CDH13: variants seen among roughly 807,000 people sequenced by gnomAD.
CDH13 encodes cadherin 13.
CDH13 carries 24 observed loss-of-function variants against 63.8 expected under a neutral mutation model. The ratio of observed to expected loss-of-function variants is 0.38; its 90% CI spans 0.27 to 0.53. CDH13 has a LOEUF of 0.53. Among genes scored for constraint, CDH13 ranks in the 20% least tolerant of loss-of-function variants. The pLI, the probability that CDH13 is intolerant of heterozygous loss-of-function variation, is 0.85. For synonymous variants in CDH13, 503 were observed against 355.3 expected (o/e 1.42, Z -4.67); for missense variants, 1,049 against 903.1 (o/e 1.16, Z -2.07).
At chr16:83,617,545 CAT>C (rs1295896493) in intron 8 of CDH13, among the ~76,000 whole-genome samples, 31 of 151,162 alleles carry the variant, frequency 2.1e-4, no homozygotes, top group African/African-American at 7.5e-4. Flanking sequence ...ATTCTTTTCT[CAT>C]ATGAACATAT....
At chr16:82,680,776 A>G (rs370075893) in intron 1 of CDH13, among the ~76,000 whole-genome samples, 11 of 152,182 alleles carry the variant, frequency 7.2e-5, no homozygotes, top group Admixed American at 2.0e-4. Context: ...AGTTATTACT[A>G]CCTCTAGGCC....
intron 11 of CDH13, among the ~76,000 whole-genome samples, chr16:83,754,914 G>C (rs1471685893): frequency 6.6e-6 from 1 of 151,980 alleles, no homozygotes; most frequent in Admixed American, 6.6e-5. Context: ...ATGTCATCTG[G>C]AGCCTCTCCA....
intron 6 of CDH13, among the ~76,000 whole-genome samples, chr16:83,425,700 T>C (rs1156811165): frequency 2.0e-5 from 3 of 152,262 alleles, no homozygotes; most frequent in African/African-American, 7.2e-5. Context: ...TGACTCTTTC[T>C]TCAACTAATC....
chr16:83,685,298 G>A (rs1168255312), intron 10 of CDH13, among the ~76,000 whole-genome samples: 2 of 152,198 alleles, frequency 1.3e-5, no homozygotes, highest in East Asian at 1.9e-4. Flanking sequence ...GTGTAAGGTA[G>A]ATGGCACTTT....
chr16:83,043,079 C>G (rs191163805), intron 3 of CDH13, among the ~76,000 whole-genome samples: 85 of 152,150 alleles, frequency 5.6e-4, no homozygotes, highest in Non-Finnish European at 1.0e-3. Context: ...AAGAATTGGG[C>G]CTAGAATTCA....
rs186487284 is a variant in CDH13 at position 83,397,048 on chromosome 16, A to G, written c.781+52042A>G. ...GCTAAAAAGCCTGCAGCTGTGATCT[A>G]TGTCCTCGCTCTGGCCCTTTCTCCT... On this transcript the variant is annotated intron_variant, in intron 6 of 13. Transcript: ENST00000567109. Among the ~76,000 whole-genome samples the G allele has an allele frequency of 5.3e-5, 8 of 152,138 alleles. No homozygotes were observed. The East Asian group carries it at 1.4e-3, about 26-fold the overall frequency.
At chr16:83,672,336 T>G (rs185764820) in intron 9 of CDH13, among the ~76,000 whole-genome samples, 1 of 150,882 alleles carries the variant, frequency 6.6e-6, no homozygotes, top group East Asian at 2.0e-4. Flanking sequence ...AGGACCCACT[T>G]TTTGATAGAT....
chr16:82,751,709 A>C (rs2034423417), intron 1 of CDH13, among the ~76,000 whole-genome samples: 1 of 152,124 alleles, frequency 6.6e-6, no homozygotes. Context: ...CAGGTAAAAA[A>C]AAAAAAAAAA....
intron 4 of CDH13, among the ~76,000 whole-genome samples, chr16:83,189,171 C>G (rs1202960035): frequency 2.0e-5 from 3 of 152,134 alleles, no homozygotes; most frequent in Admixed American, 6.5e-5. Flanking sequence ...GGTGTGTGCT[C>G]TCATCCTAAT....
chr16:82,864,471 C>A lies in CDH13; in HGVS notation c.157+5998C>A, dbSNP rs546499468. Among the ~76,000 whole-genome samples the A allele has an allele frequency of 3.3e-5, 5 of 152,198 alleles. No individual in the cohort carries two copies. In the East Asian group the frequency reaches 9.7e-4, roughly 29 times the overall value. ...ATCATGGCAGAAGGTGAAGAGGAAG[C>A]AAGGCACCTTCTTCAGAAGGTGGCA... is the stretch of plus-strand genomic sequence containing the variant. On this transcript the variant is annotated intron_variant, in intron 2 of 13. Coordinates refer to ENST00000567109, the MANE Select transcript of CDH13 (RefSeq NM_001257.5).
intron 6 of CDH13, among the ~76,000 whole-genome samples, chr16:83,346,495 C>A (rs989127660): frequency 6.6e-6 from 1 of 152,094 alleles, no homozygotes; most frequent in African/African-American, 2.4e-5. Context: ...TACTCGGGCC[C>A]CATGAGTGAG....
rs115006211 is a variant in CDH13 at position 83,437,134 on chromosome 16, G to A, written c.782-49343G>A. 7.7e-3 allele frequency among the ~76,000 whole-genome samples: 1,175 copies of A among 152,050 alleles called. 17 individuals carry two copies. Among genetic ancestry groups the A allele is most frequent in the African/African-American group, 0.026 (1,093 of 41,480 alleles). ...TCTTATGGATTTGATTCTGACATCA[G>A]CCTCCCAGGAGAGGCCATGGTGTAT... On this transcript the variant is annotated intron_variant, in intron 6 of 13. Coordinates refer to ENST00000567109, the MANE Select transcript of CDH13 (RefSeq NM_001257.5).
At chr16:83,457,466 C>T (rs144699310) in intron 6 of CDH13, among the ~76,000 whole-genome samples, 7 of 152,280 alleles carry the variant, frequency 4.6e-5, no homozygotes, top group Admixed American at 3.9e-4. Flanking sequence ...CTTACCCCCT[C>T]TGCTTTTCAA....
At chr16:83,292,586 A>G (rs572724589) in intron 5 of CDH13, among the ~76,000 whole-genome samples, 37 of 152,250 alleles carry the variant, frequency 2.4e-4, no homozygotes, top group African/African-American at 8.7e-4. Context: ...AAGCGGTAGG[A>G]GCTATACCTC....
intron 1 of CDH13, among the ~76,000 whole-genome samples, chr16:82,737,154 G>T (rs923309011): frequency 1.3e-5 from 2 of 152,220 alleles, no homozygotes; most frequent in African/African-American, 4.8e-5. Context: ...TCATTTGTGT[G>T]CTGGGCACCT....
chr16:83,713,910 C>A (rs1286315845), intron 10 of CDH13, among the ~76,000 whole-genome samples: 1 of 152,212 alleles, frequency 6.6e-6, no homozygotes, highest in Admixed American at 6.5e-5. Flanking sequence ...GGTCAGGTTT[C>A]AAAAGGCCAG....
chr16:83,792,762 A>T (rs928756447), intron 13 of CDH13, among the ~76,000 whole-genome samples: 1 of 152,378 alleles, frequency 6.6e-6, no homozygotes, highest in South Asian at 2.1e-4. Flanking sequence ...GCTTTTGCCC[A>T]TTTAAAACAA....
chr16:82,699,387 T>C (rs1240925575), intron 1 of CDH13, among the ~76,000 whole-genome samples: 3 of 152,084 alleles, frequency 2.0e-5, no homozygotes, highest in Non-Finnish European at 4.4e-5. Context: ...ACTCTGCAAG[T>C]GGAGAGAAGC....
chr16:83,065,237 C>T lies in CDH13; in HGVS notation c.366+33019C>T, dbSNP rs533487419. Among the ~76,000 whole-genome samples the T allele has an allele frequency of 1.9e-4, 29 of 152,098 alleles. No individual in the cohort carries two copies. In the South Asian group the frequency reaches 4.8e-3, roughly 25 times the overall value. On this transcript the variant is annotated intron_variant, in intron 3 of 13. Transcript: ENST00000567109. ...CTGAGGAATCCCAGCATTTAATGGT[C>T]GGATATAGAAAAAGCTTGAAGGTAG... is the stretch of plus-strand genomic sequence containing the variant.
Sources: allele counts gnomAD v4.1 joint callset (sites outside exome capture counted in the v4.1 genomes callset), GRCh38; gene constraint gnomAD v4.1.1; transcripts MANE v1.5; gene names NCBI Gene and HGNC (gene_info 2026-07-23, HGNC 2026-07-21).